LYST: variants seen among roughly 807,000 people sequenced by gnomAD.
The protein encoded by LYST is lysosomal-trafficking regulator.
In LYST, 192 loss-of-function variants were observed where a neutral mutation model predicts 413.6. The observed-to-expected ratio is 0.46, with a 90% CI of 0.41 to 0.52. LYST has a LOEUF of 0.52. Among genes scored for constraint, LYST ranks in the 20% least tolerant of loss-of-function variants. LYST has a pLI of 0.00. For missense variants in LYST, 3,815 were observed against 4,499.9 expected (o/e 0.85, Z 4.35); for synonymous variants, 1,525 against 1,567.3 (o/e 0.97, Z 0.64).
Position 235,662,954 on chromosome 1 carries a change from A to G in LYST, c.11392T>C (p.Tyr3798His), listed in dbSNP as rs750259072. Residue 3798 changes from tyrosine (Y) to histidine (H), a missense_variant, in exon 53 of 53, where the codon TAT becomes CAT. Coordinates refer to ENST00000389793, the MANE Select transcript of LYST (RefSeq NM_000081.4). ...TTCATTCGCATTCACCCGGCTGCAT[A>G]GCTGCTAAGGAAGGAATAGAACATT... ...QPMFYSFLSS[Y>H]AAG The G allele has an allele frequency of 1.3e-6, 2 of 1,582,414 alleles. No homozygotes were observed. The highest frequency in any genetic ancestry group is 3.3e-5 in the Admixed American group (2 of 59,966).
In LYST at chr1:235,832,429, T is replaced by C. The variant is rs148501897; in HGVS notation, c.-8+1149A>G. On this transcript the variant is annotated intron_variant, in intron 2 of 52. Coordinates refer to ENST00000389793, the MANE Select transcript of LYST (RefSeq NM_000081.4). ...ATAAATTTTTAGATATAAAAGTTAA[T>C]GCCATATCAGTAAAAGGCATTATAA... 3.5e-3 allele frequency among the ~76,000 whole-genome samples: 533 copies of C among 152,334 alleles called. 3 individuals are homozygous for C. The highest frequency in any genetic ancestry group is 0.014 in the South Asian group (69 of 4,828).
intron 31 of LYST, chr1:235,736,263 T>C (rs531751117): frequency 6.6e-6 from 1 of 152,208 alleles, no homozygotes; most frequent in Admixed American, 6.5e-5. Context: ...CATGAATCCT[T>C]AGAAAATAAT....
intron 24 of LYST, among the ~76,000 whole-genome samples, 164 bp from the exon 25 acceptor site, chr1:235,755,811 T>C (rs4481839): frequency 6.6e-6 from 1 of 152,128 alleles, no homozygotes; most frequent in Non-Finnish European, 1.5e-5. Context: ...AATGAATTTG[T>C]CTTTGGCTAC....
intron 1 of LYST, among the ~76,000 whole-genome samples, chr1:235,874,764 A>G (rs547138377): frequency 6.6e-6 from 1 of 152,306 alleles, no homozygotes; most frequent in Admixed American, 6.5e-5. Flanking sequence ...AGTTGACAAT[A>G]AAGAGTTGGA....
At chr1:235,763,877 T>A (rs571428459) in intron 21 of LYST, among the ~76,000 whole-genome samples, 14 of 152,270 alleles carry the variant, frequency 9.2e-5, no homozygotes, top group African/African-American at 3.4e-4. Flanking sequence ...TTGATGAGCA[T>A]CTCATTACTC....
intron 44 of LYST, among the ~76,000 whole-genome samples, chr1:235,707,805 G>A (rs1662105356): frequency 6.6e-6 from 1 of 152,116 alleles, no homozygotes; most frequent in Non-Finnish European, 1.5e-5. Flanking sequence ...CTATACTTAA[G>A]AATATAGGTT....
intron 10 of LYST, among the ~76,000 whole-genome samples, chr1:235,794,006 T>C (rs970528819): frequency 5.3e-5 from 8 of 152,004 alleles, no homozygotes; most frequent in African/African-American, 1.9e-4. Flanking sequence ...GTAATTTTTG[T>C]ATTTTTAGAA....
intron 10 of LYST, among the ~76,000 whole-genome samples, chr1:235,798,280 G>A (rs1016978392): frequency 3.3e-5 from 5 of 151,912 alleles, no homozygotes; most frequent in Non-Finnish European, 5.9e-5. Context: ...AAAAATTTAA[G>A]AAATCTGAAT....
At chr1:235,793,671 G>T in intron 10 of LYST, 59 bp from the exon 11 acceptor site, 1 of 870,014 alleles carries the variant, frequency 1.1e-6, no homozygotes, top group Non-Finnish European at 1.9e-6. Flanking sequence ...GAATAAATGA[G>T]CAATTTCACC....
rs1660239014 is a variant in LYST, at chr1:235,686,575, A to G, written c.10800+374T>C. Among the ~76,000 whole-genome samples the G allele has an allele frequency of 6.6e-6, 1 of 152,188 alleles. No homozygotes were observed. Among genetic ancestry groups the G allele is most frequent in the African/African-American group, 2.4e-5 (1 of 41,462 alleles). ...CTTAGATTTTGCTGTCACTTAGTTT[A>G]CCCAGAGGTTATCGGAATGTTGGAC... is the stretch of plus-strand genomic sequence containing the variant. On this transcript the variant is annotated intron_variant, in intron 48 of 52. Transcript: ENST00000389793. The surrounding 1 kb of genome is among the most constrained non-coding windows in gnomAD (Gnocchi z 4.0).
chr1:235,782,108 A>G, intron 14 of LYST, 21 bp from the exon 15 acceptor site: 1 of 1,599,636 alleles, frequency 6.3e-7, no homozygotes, highest in Non-Finnish European at 8.5e-7. Flanking sequence ...AACAAAACAA[A>G]GTTAAAGCAA....
intron 45 of LYST, among the ~76,000 whole-genome samples, chr1:235,697,734 A>G (rs994890551): frequency 6.6e-6 from 1 of 152,174 alleles, no homozygotes; most frequent in African/African-American, 2.4e-5. Flanking sequence ...TGATTCATCT[A>G]TGTGCCTGGA....
At chr1:235,695,899 T>C (rs1440337021) in intron 46 of LYST, among the ~76,000 whole-genome samples, 1 of 152,190 alleles carries the variant, frequency 6.6e-6, no homozygotes, top group Non-Finnish European at 1.5e-5. Flanking sequence ...CTTTCCAAAG[T>C]GCTGGGATTA....
intron 1 of LYST, among the ~76,000 whole-genome samples, chr1:235,861,531 C>T (rs1000384445): frequency 1.3e-5 from 2 of 152,178 alleles, no homozygotes; most frequent in African/African-American, 4.8e-5. Context: ...AGTTATTAAT[C>T]TGACAGATTT....
At chr1:235,754,224 CTTTTCTTTTTTT>C (rs1666773444) in intron 25 of LYST, among the ~76,000 whole-genome samples, 1 of 111,362 alleles carries the variant, frequency 9.0e-6, no homozygotes, top group South Asian at 2.8e-4. Flanking sequence ...TTTTTCTTTT[CTTTTCTTTTTTT>C]TTTTTTTTTT....
intron 25 of LYST, 147 bp from the exon 26 acceptor site, chr1:235,753,421 T>C (rs1176640421): frequency 4.1e-5 from 25 of 613,304 alleles, no homozygotes; most frequent in Non-Finnish European, 6.1e-5. Context: ...GTTTTTAAAA[T>C]GACAGAGTCC....
chr1:235,770,709 A>C (rs1025145748), intron 19 of LYST, among the ~76,000 whole-genome samples: 1 of 152,192 alleles, frequency 6.6e-6, no homozygotes, highest in Non-Finnish European at 1.5e-5. Context: ...TTAACCAAAA[A>C]ATTTTAGAGC....
rs1007981248 is a variant in LYST, at chr1:235,828,007, A to G, written c.192+2219T>C. 7.2e-5 allele frequency: 29 copies of G among 403,424 alleles called. No homozygotes were observed. In the Admixed American group the frequency reaches 1.5e-3, roughly 21 times the overall value. The allele number at this position is 403,424 out of a possible 1,614,324, so 25.0% of individuals were successfully genotyped here. On this transcript the variant is annotated intron_variant, in intron 3 of 52. Transcript: ENST00000389793. ...AAAGAAGATATACAAATGGCCAATA[A>G]GCAAATGAAAAAATGCTCAACATCA...
rs1222616138 is a variant in LYST at position 235,757,346 on chromosome 1, G to T, written c.6994C>A (p.Gln2332Lys). 1 of 1,613,600 alleles carries T rather than the reference G, an allele frequency of 6.2e-7. No homozygotes were observed. The highest frequency in any genetic ancestry group is 1.1e-5 in the South Asian group (1 of 91,058). Residue 2332 changes from glutamine (Q) to lysine (K), a missense_variant, in exon 24 of 53, where the codon CAA becomes AAA. Transcript: ENST00000389793. ...ACGAGGACCAAAAGTGTATCTGCTT[G>T]AATAAGCTTGTCCATCACATCTTCA... Reference protein sequence around the residue: ...LLEDVMDKLIQADTLLVLVNH... With the variant: ...LLEDVMDKLIKADTLLVLVNH...
Sources: gnomAD v4.1 joint callset for allele counts (sites outside exome capture counted in the v4.1 genomes callset) on GRCh38, gnomAD v4.1.1 for gene constraint, Gnocchi (gnomAD v3.1) non-coding constraint, MANE v1.5 for transcripts, NCBI Gene and HGNC (gene_info 2026-07-23, HGNC 2026-07-21) for gene names.